Variants in KCMF1 observed in about 807,000 individuals in gnomAD.
KCMF1 encodes the protein potassium channel modulatory factor 1.
A neutral mutation model predicts 41.1 loss-of-function variants in KCMF1; 3 were observed. The observed-to-expected ratio is 0.07, with a 90% CI of 0.03 to 0.19. KCMF1 has a LOEUF of 0.19. Ranked by LOEUF, KCMF1 falls within the 10% of genes least tolerant of loss-of-function variation. The pLI, the probability that KCMF1 is intolerant of heterozygous loss-of-function variation, is 1.00. For missense variants in KCMF1, 286 were observed against 488.9 expected (o/e 0.58, Z 3.91); for synonymous variants, 142 against 164.5 (o/e 0.86, Z 1.04).
In KCMF1 at chr2:85,053,419, A is replaced by G. The variant is rs1460551285; in HGVS notation, c.*10A>G. Reference sequence around the variant, plus strand: ...ACCACCTCCTCTTTGATGACATCCCAATTCGCAGACAATGTCCTCTGTGCT... The same window carrying G: ...ACCACCTCCTCTTTGATGACATCCCGATTCGCAGACAATGTCCTCTGTGCT... On this transcript the variant is annotated 3_prime_UTR_variant, in exon 7 of 7. Transcript: ENST00000409785. 1.9e-6 allele frequency: 3 copies of G among 1,608,354 alleles called. No individual in the cohort carries two copies. The highest frequency in any genetic ancestry group is 2.7e-5 in the African/African-American group (2 of 74,706).
chr2:85,050,299 T>C (rs1230235682), intron 6 of KCMF1, among the ~76,000 whole-genome samples: 3 of 152,240 alleles, frequency 2.0e-5, no homozygotes. Context: ...TTGCTTGTTA[T>C]TGCCAGTTTT....
At chr2:85,024,188 A>C (rs945387526) in intron 1 of KCMF1, among the ~76,000 whole-genome samples, 1 of 152,204 alleles carries the variant, frequency 6.6e-6, no homozygotes, top group South Asian at 2.1e-4. Context: ...GAAAAGACGA[A>C]GAAAAAGGCC....
At chr2:85,007,119 A>AAAAG (rs1558572744) in intron 1 of KCMF1, among the ~76,000 whole-genome samples, 2 of 151,720 alleles carry the variant, frequency 1.3e-5, no homozygotes, top group African/African-American at 4.8e-5. Context: ...AAAAAAAAAA[A>AAAAG]AAAGAAATAG....
chr2:85,016,274 G>T (rs1178232344), intron 1 of KCMF1, among the ~76,000 whole-genome samples: 1 of 152,064 alleles, frequency 6.6e-6, no homozygotes, highest in African/African-American at 2.4e-5. Context: ...TGAAGAGTGT[G>T]TTTGTACGGG....
intron 3 of KCMF1, among the ~76,000 whole-genome samples, chr2:85,037,098 A>T (rs1037579607): frequency 1.3e-5 from 2 of 150,930 alleles, no homozygotes; most frequent in Non-Finnish European, 2.9e-5. Context: ...TACAAATGCT[A>T]TCATGGTCTG....
chr2:85,022,557 A>G (rs1674972260), intron 1 of KCMF1, among the ~76,000 whole-genome samples: 1 of 152,330 alleles, frequency 6.6e-6, no homozygotes, highest in Non-Finnish European at 1.5e-5. Context: ...GTTGTAAACA[A>G]TTCCAGCTTT....
Position 85,058,473 on chromosome 2 carries a change from AAGG to A in KCMF1, c.*5068_*5070del, listed in dbSNP as rs1370590464. 1 of 152,184 alleles carries A rather than the reference AAGG, an allele frequency of 6.6e-6. No individual in the cohort carries two copies. Among genetic ancestry groups the A allele is most frequent in the Non-Finnish European group, 1.5e-5 (1 of 68,052 alleles). The allele number at this position is 152,184 out of a possible 1,614,324, so 9.4% of individuals were successfully genotyped here. On this transcript the variant is annotated 3_prime_UTR_variant, in exon 7 of 7. Transcript: ENST00000409785. ...GGCCTGGATAATGATGTTTCTCTTC[AAGG>A]AGGCCTTTACTAACCACAGGGAACC...
At chr2:85,028,078 G>A in intron 2 of KCMF1, 22 bp downstream of exon 2, 1 of 1,475,060 alleles carries the variant, frequency 6.8e-7, no homozygotes, top group Non-Finnish European at 9.3e-7. Context: ...AAAATTTAAT[G>A]AATTACATCA....
At chr2:84,974,643 C>T (rs1200697507) in intron 1 of KCMF1, among the ~76,000 whole-genome samples, 2 of 115,964 alleles carry the variant, frequency 1.7e-5, no homozygotes, top group East Asian at 5.5e-4. Context: ...TTTGTGGACA[C>T]TGACATTTTA....
chr2:84,971,174 A>T lies in KCMF1; in HGVS notation c.-278A>T, dbSNP rs952142576. 3.5e-5 allele frequency: 5 copies of T among 142,970 alleles called. No homozygotes were observed. The highest frequency in any genetic ancestry group is 2.7e-4 in the Admixed American group (4 of 14,594). 8.9% of individuals were successfully genotyped at this position (142,970 alleles called of 1,614,324 possible). The stretch of plus-strand genomic sequence containing the variant: ...CCGGGAGCCGGCAGGCCCGAGAGTG[A>T]CCGGAGTCACGGCGGGCGCCGGCGG... On this transcript the variant is annotated 5_prime_UTR_variant, in exon 1 of 7. Transcript: ENST00000409785.
At chr2:85,017,387 T>C (rs1674801822) in intron 1 of KCMF1, among the ~76,000 whole-genome samples, 1 of 152,186 alleles carries the variant, frequency 6.6e-6, no homozygotes, top group African/African-American at 2.4e-5. Context: ...GAGTCTCTTC[T>C]TGGAGATTGT....
At chr2:85,019,736 G>GTA (rs1205910615) in intron 1 of KCMF1, among the ~76,000 whole-genome samples, 1 of 150,424 alleles carries the variant, frequency 6.6e-6, no homozygotes, top group Admixed American at 6.6e-5. Flanking sequence ...ATGTGTGTGT[G>GTA]TATATATATG....
At chr2:85,004,059 A>C (rs1674404240) in intron 1 of KCMF1, among the ~76,000 whole-genome samples, 1 of 152,176 alleles carries the variant, frequency 6.6e-6, no homozygotes, top group African/African-American at 2.4e-5. Context: ...CAGATACGCC[A>C]AGCAAAGGGA....
At position 85,007,069 on chromosome 2, in the gene KCMF1, C is replaced by T. The variant is rs113118611; in HGVS notation, c.17-20820C>T. ...TGAGTCGAGATCGCACCACTGCACT[C>T]CAGCCTGGGCAACAAGAGCAAAACT... On this transcript the variant is annotated intron_variant, in intron 1 of 6. Transcript: ENST00000409785. Among the ~76,000 whole-genome samples the T allele has an allele frequency of 6.9e-3, 1,030 of 148,330 alleles. 11 individuals carry two copies. The highest frequency in any genetic ancestry group is 0.025 in the African/African-American group (988 of 40,020).
At chr2:84,971,916 G>A (rs940691787) in intron 1 of KCMF1, 1 of 152,004 alleles carries the variant, frequency 6.6e-6, no homozygotes, top group African/African-American at 2.4e-5. Context: ...AGGCAAAAGA[G>A]CCGGCCCGGG....
At position 85,046,178 on chromosome 2, in the gene KCMF1, T is replaced by C. The variant is rs1315538160; in HGVS notation, c.501T>C (p.Arg167=). ...GGGGATTAGGAGGTCCTCGTGCTCG[T>C]AGATCAAACATGCACTTTACTAGCA... ...PGRGLGGPRA[R]RSNMHFTSSS... The change falls in exon 5 of 7, where the codon CGT becomes CGC. Residue 167 remains arginine, a synonymous_variant. Transcript: ENST00000409785. 6.2e-7 allele frequency: 1 copy of C among 1,613,496 alleles called. No individual in the cohort carries two copies. Among genetic ancestry groups the C allele is most frequent in the African/African-American group, 1.3e-5 (1 of 74,930 alleles).
In KCMF1 at chr2:85,053,371, A is replaced by G. The variant is rs1467949214; in HGVS notation, c.1108A>G (p.Ser370Gly). The change falls in exon 7 of 7, where the codon AGT becomes GGT. Residue 370 changes from serine to glycine, a missense_variant. Coordinates refer to ENST00000409785, the MANE Select transcript of KCMF1 (RefSeq NM_020122.5). ...TTTAGAAAACCTAAATTTAAAAGAG[A>G]GTAATAAAGGAAATGAGCCTCCACC... is the stretch of plus-strand genomic sequence containing the variant. Reference protein sequence around the residue: ...VALENLNLKESNKGNEPPPPP... With the variant: ...VALENLNLKEGNKGNEPPPPP... 2 of 1,613,306 alleles carry G rather than the reference A, an allele frequency of 1.2e-6. No individual in the cohort carries two copies. Among genetic ancestry groups the G allele is most frequent in the African/African-American group, 1.3e-5 (1 of 74,854 alleles).
intron 1 of KCMF1, among the ~76,000 whole-genome samples, chr2:84,977,602 T>A (rs1369946079): frequency 6.6e-6 from 1 of 151,818 alleles, no homozygotes; most frequent in Non-Finnish European, 1.5e-5. Flanking sequence ...TTTTTCTTTT[T>A]TGTAGAGACT....
chr2:84,984,402 T>C (rs1246781674), intron 1 of KCMF1, among the ~76,000 whole-genome samples: 2 of 152,090 alleles, frequency 1.3e-5, no homozygotes, highest in African/African-American at 4.8e-5. Flanking sequence ...CACTTGGCTG[T>C]GGATTTCTGC....
Sources: gnomAD v4.1 joint callset for allele counts (sites outside exome capture counted in the v4.1 genomes callset) on GRCh38, gnomAD v4.1.1 for gene constraint, MANE v1.5 for transcripts, NCBI Gene and HGNC (gene_info 2026-07-23, HGNC 2026-07-21) for gene names.